Variants in CCDC178 observed in about 807,000 individuals in gnomAD.
CCDC178 encodes coiled-coil domain containing 178.
A neutral mutation model predicts 117.4 loss-of-function variants in CCDC178; 126 were observed. The observed-to-expected ratio is 1.07, with a 90% CI of 0.93 to 1.24. CCDC178 has a LOEUF of 1.24. Among genes scored for constraint, CCDC178 ranks in the 50% most tolerant of loss-of-function variants. The pLI is 0.00. For missense variants in CCDC178, 1,030 were observed against 986.9 expected (o/e 1.04, Z -0.59); for synonymous variants, 283 against 313.4 (o/e 0.90, Z 1.02).
intron 21 of CCDC178, among the ~76,000 whole-genome samples, chr18:33,066,072 A>G (rs1393903062): frequency 6.6e-6 from 1 of 152,040 alleles, no homozygotes; most frequent in African/African-American, 2.4e-5. Context: ...CGTGTTGGCC[A>G]GGATGGTCTC....
chr18:33,010,111 C>A (rs946615297), intron 21 of CCDC178, among the ~76,000 whole-genome samples: 2 of 152,128 alleles, frequency 1.3e-5, no homozygotes, highest in Non-Finnish European at 2.9e-5. Flanking sequence ...AATGAGAGTA[C>A]AATGGCATCC....
At chr18:33,250,547 G>T (rs1256901457) in intron 14 of CCDC178, among the ~76,000 whole-genome samples, 1 of 151,388 alleles carries the variant, frequency 6.6e-6, no homozygotes, top group Non-Finnish European at 1.5e-5. Context: ...AAGAAACAAG[G>T]TAAAAGTAGA....
At chr18:33,232,894 C>T (rs925737523) in intron 15 of CCDC178, among the ~76,000 whole-genome samples, 4 of 152,088 alleles carry the variant, frequency 2.6e-5, no homozygotes, top group African/African-American at 7.2e-5. Flanking sequence ...AAAAATTCTA[C>T]ATTGAATGAA....
rs769766212 is a variant in CCDC178 at position 33,215,633 on chromosome 18, A to T, written c.1995T>A (p.Tyr665Ter). The change falls in exon 19 of 23, where the codon TAT becomes TAA. Residue 665 changes from tyrosine (Y) to a stop codon, truncating the protein, a stop_gained. Transcript: ENST00000383096. LOFTEE classifies it high-confidence loss of function. Reference sequence around the variant, plus strand: ...CCTCATTCAATTCATTTATTTTTGCATAAAAAATCATTGTCTTACTTTTAG... The same window carrying T: ...CCTCATTCAATTCATTTATTTTTGCTTAAAAAATCATTGTCTTACTTTTAG... ...EATKSKTMIF[Y>*]AKINELNEEL... is the part of the protein sequence containing the mutation. 6.5e-7 allele frequency: 1 copy of T among 1,533,658 alleles called. No homozygotes were observed. Among genetic ancestry groups the T allele is most frequent in the African/African-American group, 1.4e-5 (1 of 69,576 alleles).
chr18:33,394,943 G>GTATGTATATATATATATA (rs1555697671), intron 4 of CCDC178, among the ~76,000 whole-genome samples: 39 of 61,472 alleles, frequency 6.3e-4, no homozygotes, highest in Non-Finnish European at 1.0e-3. Context: ...ATATGTATGT[G>GTATGTATATATATATATA]TATATATATA....
At chr18:33,130,744 T>TA (rs534703050) in intron 20 of CCDC178, among the ~76,000 whole-genome samples, 168 of 152,060 alleles carry the variant, frequency 1.1e-3, no homozygotes, top group African/African-American at 3.8e-3. Flanking sequence ...TAGCAAGAAA[T>TA]ACGTACTTCC....
chr18:33,430,223 A>C (rs989950569), intron 2 of CCDC178, among the ~76,000 whole-genome samples: 1 of 152,182 alleles, frequency 6.6e-6, no homozygotes, highest in African/African-American at 2.4e-5. Context: ...AACTATTTGG[A>C]GCTTTATTTA....
At chr18:33,065,358 T>G (rs2056994126) in intron 21 of CCDC178, among the ~76,000 whole-genome samples, 1 of 152,134 alleles carries the variant, frequency 6.6e-6, no homozygotes, top group Non-Finnish European at 1.5e-5. Flanking sequence ...TTATACCCCA[T>G]GTGTACAATT....
At chr18:32,993,190 GTTC>G in intron 21 of CCDC178, among the ~76,000 whole-genome samples, 1 of 152,162 alleles carries the variant, frequency 6.6e-6, no homozygotes, top group East Asian at 1.9e-4. Flanking sequence ...TAAGGATTTT[GTTC>G]TTCTGAGGTA....
At chr18:33,348,300 CA>C (rs1306095145) in intron 8 of CCDC178, among the ~76,000 whole-genome samples, 1 of 151,540 alleles carries the variant, frequency 6.6e-6, no homozygotes, top group African/African-American at 2.4e-5. Flanking sequence ...CATAAAATCT[CA>C]ATAATATATT....
chr18:33,333,173 C>T lies in CCDC178; in HGVS notation c.879+1G>A. On this transcript the variant is annotated splice_donor_variant, in intron 10 of 22. Transcript: ENST00000383096. LOFTEE classifies it high-confidence loss of function. The stretch of plus-strand genomic sequence containing the variant: ...AAATGCTCATGCATTCGTTTATTTA[C>T]CTCCATTTTTTTTTTATAATGGTTC... The T allele has an allele frequency of 6.4e-7, 1 of 1,551,804 alleles. No individual in the cohort carries two copies.
At chr18:33,271,754 A>T (rs1317130683) in intron 12 of CCDC178, among the ~76,000 whole-genome samples, 1 of 151,488 alleles carries the variant, frequency 6.6e-6, no homozygotes, top group Non-Finnish European at 1.5e-5. Flanking sequence ...CAATAACACA[A>T]AGAAATAACA....
chr18:33,265,202 A>T (rs1196726739), intron 14 of CCDC178, among the ~76,000 whole-genome samples: 1 of 152,136 alleles, frequency 6.6e-6, no homozygotes, highest in Admixed American at 6.6e-5. Flanking sequence ...AAATTTTATC[A>T]AACTTCCAAT....
At chr18:33,085,570 T>A (rs951371272) in intron 21 of CCDC178, among the ~76,000 whole-genome samples, 74 of 152,130 alleles carry the variant, frequency 4.9e-4, no homozygotes, top group African/African-American at 1.6e-3. Flanking sequence ...CTCAAAAAAA[T>A]AAATAAATAA....
At chr18:33,314,689 T>C (rs2062393414) in intron 11 of CCDC178, among the ~76,000 whole-genome samples, 1 of 152,170 alleles carries the variant, frequency 6.6e-6, no homozygotes, top group African/African-American at 2.4e-5. Flanking sequence ...CCCTTCCAAC[T>C]GGATACTATG....
At chr18:33,056,297 GT>G (rs1262913919) in intron 21 of CCDC178, among the ~76,000 whole-genome samples, 1 of 152,160 alleles carries the variant, frequency 6.6e-6, no homozygotes, top group East Asian at 1.9e-4. Context: ...TATCACCTGT[GT>G]GCCAGGAAAG....
chr18:33,007,091 A>G (rs2055767026), intron 21 of CCDC178, among the ~76,000 whole-genome samples: 1 of 152,108 alleles, frequency 6.6e-6, no homozygotes, highest in Non-Finnish European at 1.5e-5. Flanking sequence ...AGCAATAGAA[A>G]ACTAATTAAA....
intron 11 of CCDC178, among the ~76,000 whole-genome samples, chr18:33,314,200 CAAAAAAAAAAAA>C (rs869127341): frequency 1.5e-3 from 92 of 62,430 alleles, no homozygotes; most frequent in African/African-American, 5.6e-3. Context: ...GACTCCGTCT[CAAAAAAAAAAAA>C]AAAAAAAAAA....
At chr18:33,333,506 C>CAT in intron 9 of CCDC178, 112 bp from the exon 10 acceptor site, 1 of 152,580 alleles carries the variant, frequency 6.6e-6, no homozygotes, top group Non-Finnish European at 1.1e-5. Context: ...AATCTTACTA[C>CAT]TTTTTTTTTT....
Sources: allele counts gnomAD v4.1 joint callset (sites outside exome capture counted in the v4.1 genomes callset), GRCh38; gene constraint gnomAD v4.1.1; transcripts MANE v1.5; gene names NCBI Gene and HGNC (gene_info 2026-07-23, HGNC 2026-07-21).